PSG2: variants seen among roughly 807,000 people sequenced by gnomAD.
PSG2 encodes pregnancy specific beta-1-glycoprotein 2, also known as pregnancy-specific beta-1-glycoprotein 2.
In PSG2, 49 loss-of-function variants were observed where a neutral mutation model predicts 36.2. That is an observed-to-expected ratio of 1.35 (90% confidence interval 1.08 to 1.72). The LOEUF is 1.72. PSG2 is among the 40% of genes most tolerant of loss of function. PSG2 has a pLI of 0.00. For synonymous variants in PSG2, 261 were observed against 155.6 expected, an observed-to-expected ratio of 1.68 and a Z score of -5.04; for missense variants, 605 against 407.2, an observed-to-expected ratio of 1.49 and a Z score of -4.18.
intron 2 of PSG2, among the ~76,000 whole-genome samples, chr19:43,079,037 T>C (rs115594234): frequency 0.02 from 3,094 of 151,710 alleles, 141 homozygotes; most frequent in East Asian, 0.096. Flanking sequence ...GGAGGTTGGC[T>C]AGGCCACAGT....
Position 43,082,405 on chromosome 19 carries a change from G to T in PSG2, c.64+101C>A, listed in dbSNP as rs1817441876. 8.5e-6 allele frequency: 13 copies of T among 1,533,536 alleles called. No homozygotes were observed. In the South Asian group the frequency reaches 1.3e-4, roughly 16 times the overall value. 95.0% of individuals were successfully genotyped at this position (1,533,536 alleles called of 1,614,324 possible). A position where few individuals can be genotyped will look rare whatever the true frequency, so the allele number is the denominator to read the frequency against. On this transcript the variant is annotated intron_variant, in intron 1 of 5. Transcript: ENST00000406487. ...TCCACCCACCTCAGCCTCCCTAAGT[G>T]CTGGCTTCTTTCATTTTTTAGAACC...
chr19:43,071,477 C>G (rs1967815049), intron 4 of PSG2, among the ~76,000 whole-genome samples: 1 of 151,634 alleles, frequency 6.6e-6, no homozygotes, highest in African/African-American at 2.4e-5. Context: ...ATGACCCCTC[C>G]CTACCTTTCT....
chr19:43,076,638 CAG>C (rs1967899922), intron 2 of PSG2, among the ~76,000 whole-genome samples: 1 of 151,472 alleles, frequency 6.6e-6, no homozygotes, highest in Admixed American at 6.6e-5. Context: ...CAGAGTGAAT[CAG>C]AGAGTAGAAT....
rs151133378 is a variant in PSG2, at chr19:43,080,367, A to T, written c.430+514T>A. Among the ~76,000 whole-genome samples, 36 of 151,814 alleles carry T rather than the reference A, an allele frequency of 2.4e-4. No individual in the cohort carries two copies. In the East Asian group the frequency reaches 5.6e-3, roughly 24 times the overall value. ...CCTAGCTGGTGAACAGCTCCAGGAG[A>T]CACAGTCCTCAGACAGCTGGTAAAT... On this transcript the variant is annotated intron_variant, in intron 2 of 5. Transcript: ENST00000406487.
intron 2 of PSG2, among the ~76,000 whole-genome samples, chr19:43,078,073 G>T (rs1184700411): frequency 6.6e-6 from 1 of 151,732 alleles, no homozygotes; most frequent in Non-Finnish European, 1.5e-5. Flanking sequence ...TGACACCCTG[G>T]TGAGTCATTG....
chr19:43,079,954 C>A (rs1399163081), intron 2 of PSG2, among the ~76,000 whole-genome samples: 1 of 151,678 alleles, frequency 6.6e-6, no homozygotes, highest in Non-Finnish European at 1.5e-5. Context: ...CCTTCCTGTG[C>A]CTCAGTTTTC....
intron 3 of PSG2, among the ~76,000 whole-genome samples, chr19:43,074,102 C>T (rs1380479129): frequency 6.6e-6 from 1 of 151,632 alleles, no homozygotes; most frequent in Non-Finnish European, 1.5e-5. Context: ...AGGCTGATTG[C>T]TATTTTCTGT....
At position 43,076,087 on chromosome 19, in the gene PSG2, C is replaced by A. The variant is rs180943010; in HGVS notation, c.431-455G>T. ...CCAAGAGATGAATGATGGAACTTCC[C>A]ATTGTCTTTAAACCCTTTGGGTACT... On this transcript the variant is annotated intron_variant, in intron 2 of 5. Coordinates refer to ENST00000406487, the MANE Select transcript of PSG2 (RefSeq NM_031246.4). Among the ~76,000 whole-genome samples, 84 of 151,828 alleles carry A rather than the reference C, an allele frequency of 5.5e-4. 1 individual carries two copies. Among genetic ancestry groups the A allele is most frequent in the African/African-American group, 1.9e-3 (80 of 41,228 alleles).
rs761976627 is a variant in PSG2 at position 43,082,529 on chromosome 19, T to C, written c.41A>G (p.Lys14Arg). 6.2e-7 allele frequency: 1 copy of C among 1,612,008 alleles called. No individual in the cohort carries two copies. Among genetic ancestry groups the C allele is most frequent in the South Asian group, 1.1e-5 (1 of 91,022 alleles). ...LSAPPCTEHI[K>R]WKGLLVTASL... ...ACCTGTGACCAGGAGCCCCTTCCAT[T>C]TGATGTGCTCTGTGCAGGGAGGGGC... Residue 14 changes from lysine (K) to arginine (R), a missense_variant, in exon 1 of 6, where the codon AAA (lysine) becomes AGA (arginine). By Grantham distance (26) the Lys-to-Arg change is conservative. Transcript: ENST00000406487.
chr19:43,082,430 C>G, intron 1 of PSG2, 76 bp downstream of exon 1: 2 of 1,579,170 alleles, frequency 1.3e-6, no homozygotes, highest in South Asian at 1.1e-5. Flanking sequence ...TTTTTAGAAC[C>G]CCATCCTCTC....
intron 2 of PSG2, 80 bp downstream of exon 2, chr19:43,080,801 C>A: frequency 6.2e-7 from 1 of 1,610,958 alleles, no homozygotes. Context: ...CAGGCACAGT[C>A]TAGGCCTGAC....
intron 5 of PSG2, chr19:43,065,855 TAA>T (rs1967732260): frequency 6.6e-6 from 1 of 151,876 alleles, no homozygotes; most frequent in South Asian, 2.1e-4. Flanking sequence ...AGGGTGTGGT[TAA>T]GTCTGCAGTG....
rs1376443148 is a variant in PSG2 at position 43,075,219 on chromosome 19, G to A, written c.709+135C>T. 7.0e-6 allele frequency: 11 copies of A among 1,578,584 alleles called. No homozygotes were observed. The South Asian group carries it at 1.1e-4, about 16-fold the overall frequency. On this transcript the variant is annotated intron_variant, in intron 3 of 5. Transcript: ENST00000406487. ...GGCCTATTCTGGTTTGCCTGGGGCAGAAAGTCATGGCCAGCTTTGATGCCT... is the reference window on the plus strand; with the variant it reads ...GGCCTATTCTGGTTTGCCTGGGGCAAAAAGTCATGGCCAGCTTTGATGCCT...
In PSG2 at chr19:43,082,537, C is replaced by G. The variant is rs759267823; in HGVS notation, c.33G>C (p.Glu11Asp). ...CCAGGAGCCCCTTCCATTTGATGTG[C>G]TCTGTGCAGGGAGGGGCTGAGAGGG... Reference protein sequence around the residue: MGPLSAPPCTEHIKWKGLLVT... With the variant: MGPLSAPPCTDHIKWKGLLVT... Residue 11 changes from glutamate (E) to aspartate (D), a missense_variant, in exon 1 of 6, where the codon GAG becomes GAC. Coordinates refer to ENST00000406487, the MANE Select transcript of PSG2 (RefSeq NM_031246.4). 7.4e-6 allele frequency: 12 copies of G among 1,612,176 alleles called. 1 individual carries two copies. In the African/African-American group the frequency reaches 1.2e-4, roughly 16 times the overall value.
chr19:43,072,215 G>C, intron 3 of PSG2: 2 of 1,459,342 alleles, frequency 1.4e-6, no homozygotes, highest in Admixed American at 4.3e-5. Flanking sequence ...GGTTTTCCCA[G>C]GGCAGGGAGT....
intron 4 of PSG2, among the ~76,000 whole-genome samples, chr19:43,070,706 A>T (rs1175115272): frequency 6.6e-6 from 1 of 151,688 alleles, no homozygotes; most frequent in Non-Finnish European, 1.5e-5. Context: ...AGAAGGAGTG[A>T]GAGTTACTGT....
chr19:43,066,903 A>T (rs145519555), intron 4 of PSG2, among the ~76,000 whole-genome samples: 1 of 144,786 alleles, frequency 6.9e-6, no homozygotes, highest in African/African-American at 2.6e-5. Flanking sequence ...CCACATTTTC[A>T]CCTTTTCATG....
At chr19:43,064,834 A>T (rs1215556267) in intron 5 of PSG2, among the ~76,000 whole-genome samples, 5 of 151,654 alleles carry the variant, frequency 3.3e-5, no homozygotes, top group Non-Finnish European at 7.4e-5. Flanking sequence ...AATACTCATT[A>T]AAAAAATTTT....
At chr19:43,074,038 T>A (rs913919251) in intron 3 of PSG2, among the ~76,000 whole-genome samples, 1 of 151,616 alleles carries the variant, frequency 6.6e-6, no homozygotes, top group African/African-American at 2.4e-5. Context: ...TTCGGTCAAT[T>A]CCATACTGGC....
Sources: gnomAD v4.1 joint callset for allele counts (sites outside exome capture counted in the v4.1 genomes callset) on GRCh38, gnomAD v4.1.1 for gene constraint, MANE v1.5 for transcripts, NCBI Gene and HGNC (gene_info 2026-07-23, HGNC 2026-07-21) for gene names.